Variants in TEAD1 observed in about 807,000 individuals in gnomAD.
TEAD1 encodes TEA domain transcription factor 1.
In TEAD1, 9 loss-of-function variants were observed where a neutral mutation model predicts 54.9. That is an observed-to-expected ratio of 0.16 (90% CI 0.10 to 0.29). The LOEUF (loss-of-function observed/expected upper bound fraction) is 0.29, where lower values mean the gene tolerates loss of function less well. TEAD1 is among the 10% of genes least tolerant of loss of function. The probability of loss-of-function intolerance (pLI) is 1.00; values close to 1 mark genes in which losing one functional copy is unlikely to be tolerated. For synonymous variants in TEAD1, 200 were observed against 187.8 expected (o/e 1.07, Z -0.53); for missense variants, 387 against 535.9 (o/e 0.72, Z 2.74).
At chr11:12,845,345 T>G (rs1283807135) in intron 3 of TEAD1, among the ~76,000 whole-genome samples, 8 of 152,316 alleles carry the variant, frequency 5.3e-5, no homozygotes, top group Non-Finnish European at 1.2e-4. Context: ...TGGAATGTTG[T>G]GGACTTGAGA....
intron 2 of TEAD1, among the ~76,000 whole-genome samples, chr11:12,685,881 A>T (rs1266940026): frequency 6.6e-6 from 1 of 152,194 alleles, no homozygotes; most frequent in Non-Finnish European, 1.5e-5. Context: ...GAATGGGAGA[A>T]AATGGACCTA....
intron 2 of TEAD1, among the ~76,000 whole-genome samples, chr11:12,729,528 G>A (rs2133876727): frequency 6.6e-6 from 1 of 152,262 alleles, no homozygotes; most frequent in South Asian, 2.1e-4. Context: ...GGAGAAAGAT[G>A]GAAACCTAGG....
intron 2 of TEAD1, among the ~76,000 whole-genome samples, chr11:12,756,383 C>A (rs1209144010): frequency 6.6e-6 from 1 of 152,194 alleles, no homozygotes; most frequent in South Asian, 2.1e-4. Context: ...TCTGTGCTTC[C>A]ATCTCTTCTG....
At chr11:12,690,962 G>C (rs1943445064) in intron 2 of TEAD1, among the ~76,000 whole-genome samples, 1 of 152,144 alleles carries the variant, frequency 6.6e-6, no homozygotes, top group Non-Finnish European at 1.5e-5. Flanking sequence ...CATCACTCAG[G>C]CTGGTCTGAA....
intron 3 of TEAD1, among the ~76,000 whole-genome samples, chr11:12,800,715 T>C (rs1246471384): frequency 6.6e-6 from 1 of 152,198 alleles, no homozygotes; most frequent in Non-Finnish European, 1.5e-5. Flanking sequence ...GGTTTTCTCC[T>C]CTGGGGTGGG....
At chr11:12,934,082 GCA>G (rs1949057099) in intron 12 of TEAD1, among the ~76,000 whole-genome samples, 1 of 152,156 alleles carries the variant, frequency 6.6e-6, no homozygotes, top group Non-Finnish European at 1.5e-5. Flanking sequence ...AAAGACACAT[GCA>G]CACGTATGTT....
At chr11:12,795,726 A>G (rs1222609293) in intron 3 of TEAD1, among the ~76,000 whole-genome samples, 8 of 152,144 alleles carry the variant, frequency 5.3e-5, no homozygotes, top group Non-Finnish European at 1.0e-4. Flanking sequence ...CCCACCACAT[A>G]CATATTTTTA....
chr11:12,929,570 C>T (rs1258225002), intron 11 of TEAD1, among the ~76,000 whole-genome samples: 1 of 151,838 alleles, frequency 6.6e-6, no homozygotes, highest in Non-Finnish European at 1.5e-5. Flanking sequence ...AAATATCTCC[C>T]TTTTCATTGC....
At chr11:12,882,569 G>T (rs1434061545) in intron 8 of TEAD1, among the ~76,000 whole-genome samples, 1 of 152,170 alleles carries the variant, frequency 6.6e-6, no homozygotes, top group Non-Finnish European at 1.5e-5. Flanking sequence ...GAGTGCTACG[G>T]AGCATTCAGA....
chr11:12,796,894 G>A (rs559429361), intron 3 of TEAD1, among the ~76,000 whole-genome samples: 2 of 152,224 alleles, frequency 1.3e-5, no homozygotes, highest in South Asian at 4.2e-4. Flanking sequence ...GGCGGATCAC[G>A]AGGTCAGGAG....
chr11:12,746,911 G>T (rs1469872609), intron 2 of TEAD1, among the ~76,000 whole-genome samples: 1 of 152,268 alleles, frequency 6.6e-6, no homozygotes, highest in Non-Finnish European at 1.5e-5. Context: ...CGGGCTGGGG[G>T]TTCACCAGTG....
chr11:12,877,880 C>T (rs1947886064), intron 5 of TEAD1, among the ~76,000 whole-genome samples: 1 of 151,694 alleles, frequency 6.6e-6, no homozygotes, highest in African/African-American at 2.4e-5. Flanking sequence ...TCATTGCAGC[C>T]TTGACCTCCC....
At chr11:12,760,553 A>T (rs1314222154) in intron 2 of TEAD1, among the ~76,000 whole-genome samples, 1 of 152,142 alleles carries the variant, frequency 6.6e-6, no homozygotes, top group African/African-American at 2.4e-5. Flanking sequence ...CACTTAAAGG[A>T]TATATATGTA....
chr11:12,687,942 G>A (rs1943367791), intron 2 of TEAD1, among the ~76,000 whole-genome samples: 1 of 152,296 alleles, frequency 6.6e-6, no homozygotes, highest in African/African-American at 2.4e-5. Context: ...TAGGGGGACT[G>A]CTGTAGTTTG....
intron 3 of TEAD1, among the ~76,000 whole-genome samples, chr11:12,820,077 G>T (rs1358035771): frequency 2.6e-5 from 4 of 151,982 alleles, no homozygotes; most frequent in Non-Finnish European, 4.4e-5. Context: ...GTGGTGGCAG[G>T]TCATGGGGGT....
chr11:12,844,273 C>T (rs1364438314), intron 3 of TEAD1, among the ~76,000 whole-genome samples: 1 of 152,156 alleles, frequency 6.6e-6, no homozygotes, highest in Non-Finnish European at 1.5e-5. Flanking sequence ...AAAAACTTCA[C>T]ATTTGCTTAT....
intron 3 of TEAD1, among the ~76,000 whole-genome samples, chr11:12,810,774 C>T (rs377157066): frequency 1.2e-4 from 19 of 152,268 alleles, no homozygotes; most frequent in Admixed American, 3.9e-4. Flanking sequence ...TGGTCTTTAA[C>T]GCTATATCTC....
At chr11:12,729,455 G>C (rs1407445480) in intron 2 of TEAD1, among the ~76,000 whole-genome samples, 2 of 152,244 alleles carry the variant, frequency 1.3e-5, no homozygotes, top group South Asian at 4.1e-4. Flanking sequence ...GCAGGGGTCT[G>C]TTAGGGTTCA....
intron 5 of TEAD1, among the ~76,000 whole-genome samples, chr11:12,878,290 T>G (rs1947897248): frequency 6.6e-6 from 1 of 152,206 alleles, no homozygotes; most frequent in Admixed American, 6.5e-5. Flanking sequence ...AAAACTCCTT[T>G]GGCCTTGCTT....
Sources: allele counts gnomAD v4.1 joint callset (sites outside exome capture counted in the v4.1 genomes callset), GRCh38; gene constraint gnomAD v4.1.1; transcripts MANE v1.5; gene names NCBI Gene and HGNC (gene_info 2026-07-23, HGNC 2026-07-21).